Variants in SARDH observed in about 807,000 individuals in gnomAD.
SARDH encodes the protein sarcosine dehydrogenase, mitochondrial.
In SARDH, 95 loss-of-function variants were observed where a neutral mutation model predicts 109.1. The ratio of observed to expected loss-of-function variants is 0.87; its 90% CI spans 0.74 to 1.03. SARDH has a LOEUF of 1.03. Among genes scored for constraint, SARDH ranks in the 50% least tolerant of loss-of-function variants. The pLI is 0.00. For synonymous variants in SARDH, 572 were observed against 534.8 expected (o/e 1.07, Z -0.96); for missense variants, 1,267 against 1,287.8 (o/e 0.98, Z 0.25).
rs1224259714 is a variant in SARDH, at chr9:133,724,796, A to G, written c.915+4969T>C. Among the ~76,000 whole-genome samples, 4 of 152,182 alleles carry G rather than the reference A, an allele frequency of 2.6e-5. No homozygotes were observed. In the South Asian group the frequency reaches 6.2e-4, roughly 24 times the overall value. Reference sequence around the variant, plus strand: ...CCCAAACCAAAAATCAAAATCCAGAATACTCCAGTGAGCATTTCATTTGAG... The same window carrying G: ...CCCAAACCAAAAATCAAAATCCAGAGTACTCCAGTGAGCATTTCATTTGAG... On this transcript the variant is annotated intron_variant, in intron 6 of 20. Coordinates refer to ENST00000439388, the MANE Select transcript of SARDH (RefSeq NM_001134707.2).
upstream of SARDH, among the ~76,000 whole-genome samples, chr9:133,738,518 C>T (rs1832959733): frequency 6.6e-6 from 1 of 152,184 alleles, no homozygotes; most frequent in Non-Finnish European, 1.5e-5. Context: ...GTTGTGAACC[C>T]CATGCCCCAT....
chr9:133,702,301 C>T (rs1831517487), intron 13 of SARDH, among the ~76,000 whole-genome samples: 1 of 152,266 alleles, frequency 6.6e-6, no homozygotes, highest in Non-Finnish European at 1.5e-5. Flanking sequence ...GACTCCTCAC[C>T]TCCACCCCCT....
At chr9:133,685,147 C>T in intron 17 of SARDH, 46 bp downstream of exon 17, 1 of 1,566,708 alleles carries the variant, frequency 6.4e-7, no homozygotes, top group South Asian at 1.1e-5. Flanking sequence ...CCCCTCACAC[C>T]ATGCTGCCAC....
intron 16 of SARDH, among the ~76,000 whole-genome samples, chr9:133,687,470 A>G (rs1166711094): frequency 6.6e-6 from 1 of 152,090 alleles, no homozygotes; most frequent in Non-Finnish European, 1.5e-5. Context: ...TTTTAGAGAT[A>G]GGATCTCGCT....
At chr9:133,737,301 C>A (rs948602257) in intron 1 of SARDH, among the ~76,000 whole-genome samples, 3 of 152,218 alleles carry the variant, frequency 2.0e-5, no homozygotes, top group Non-Finnish European at 4.4e-5. Flanking sequence ...CTGATTGCAG[C>A]GGCGTAGGGG....
chr9:133,728,810 A>G lies in SARDH; in HGVS notation c.915+955T>C, dbSNP rs1273079896. On this transcript the variant is annotated intron_variant, in intron 6 of 20. Transcript: ENST00000439388. The surrounding 1 kb of genome is among the most constrained non-coding windows in gnomAD (Gnocchi z 5.0). ...AATGGTTGGATTAATATGTGGGTGG[A>G]TGCTGAAGGAAGGGCAGAGGGAGAG... Among the ~76,000 whole-genome samples the G allele has an allele frequency of 7.1e-6, 1 of 141,590 alleles. No homozygotes were observed. The highest frequency in any genetic ancestry group is 1.6e-5 in the Non-Finnish European group (1 of 64,324). 92.9% of individuals were successfully genotyped at this position (141,590 alleles called of 152,430 possible). A position where few individuals can be genotyped will look rare whatever the true frequency, so the allele number is the denominator to read the frequency against.
chr9:133,681,877 T>C (rs1259078118), intron 17 of SARDH, among the ~76,000 whole-genome samples: 1 of 152,118 alleles, frequency 6.6e-6, no homozygotes, highest in Non-Finnish European at 1.5e-5. Flanking sequence ...CGCACGCCAG[T>C]TGACGCTCAT....
At chr9:133,669,478 A>G (rs1239747823) in intron 19 of SARDH, among the ~76,000 whole-genome samples, 1 of 151,144 alleles carries the variant, frequency 6.6e-6, no homozygotes, top group Admixed American at 6.6e-5. Flanking sequence ...CCTGTGCTTC[A>G]GACCCCCGTG....
At chr9:133,726,359 C>G (rs928942983) in intron 6 of SARDH, among the ~76,000 whole-genome samples, 1 of 9,564 alleles carries the variant, frequency 1.0e-4, no homozygotes, top group Non-Finnish European at 3.3e-4. Context: ...CAGAGTGAGA[C>G]CCTGTCTCAA....
intron 8 of SARDH, among the ~76,000 whole-genome samples, chr9:133,713,821 T>TA (rs1250760330): frequency 2.6e-5 from 4 of 152,214 alleles, no homozygotes; most frequent in African/African-American, 9.6e-5. Flanking sequence ...CTTAGCGTCC[T>TA]AGTCTATAAA....
At chr9:133,708,577 C>T (rs868606184) in intron 10 of SARDH, 149 bp from the exon 11 acceptor site, 48 of 1,056,066 alleles carry the variant, frequency 4.5e-5, no homozygotes, top group Admixed American at 2.5e-4. Context: ...ACTCTCCATT[C>T]GCCCCACCCT....
rs1490801930 is a variant in SARDH, at chr9:133,692,280, GTCC to G, written c.1922-1756_1922-1754del. 6.6e-6 allele frequency among the ~76,000 whole-genome samples: 1 copy of G among 152,120 alleles called. No homozygotes were observed. The highest frequency in any genetic ancestry group is 2.4e-5 in the African/African-American group (1 of 41,416). ...CTGGCCAGGATTTTTGGTGACCTGTGTCCTCATTTTGGCCCCTCTACTGTCTCC... is the reference window on the plus strand; with the variant it reads ...CTGGCCAGGATTTTTGGTGACCTGTGTCATTTTGGCCCCTCTACTGTCTCC... On this transcript the variant is annotated intron_variant, in intron 15 of 20. Coordinates refer to ENST00000439388, the MANE Select transcript of SARDH (RefSeq NM_001134707.2). This position sits in a 1 kb window ranked among gnomAD's most constrained non-coding sequence, Gnocchi z 5.0.
chr9:133,722,707 C>T (rs1832369960), intron 6 of SARDH, among the ~76,000 whole-genome samples: 1 of 151,814 alleles, frequency 6.6e-6, no homozygotes, highest in African/African-American at 2.4e-5. Flanking sequence ...CAGAGTCCTG[C>T]TCTATCGCCC....
At chr9:133,706,520 G>T (rs1307954432) in intron 11 of SARDH, among the ~76,000 whole-genome samples, 1 of 152,206 alleles carries the variant, frequency 6.6e-6, no homozygotes, top group African/African-American at 2.4e-5. Context: ...TTCTGGAACT[G>T]GGTAATGGGA....
chr9:133,665,143 G>C (rs1176247667), intron 20 of SARDH, among the ~76,000 whole-genome samples: 1 of 152,186 alleles, frequency 6.6e-6, no homozygotes, highest in East Asian at 1.9e-4. Context: ...GGGGGCAGGA[G>C]ACGTGCACCG....
chr9:133,724,634 C>T (rs906789717), intron 6 of SARDH, among the ~76,000 whole-genome samples: 2 of 152,208 alleles, frequency 1.3e-5, no homozygotes, highest in Non-Finnish European at 2.9e-5. Flanking sequence ...AATAGAGTTA[C>T]CATATGACTC....
intron 16 of SARDH, among the ~76,000 whole-genome samples, chr9:133,687,815 T>G (rs1830938358): frequency 6.6e-6 from 1 of 152,218 alleles, no homozygotes; most frequent in African/African-American, 2.4e-5. Flanking sequence ...AAGTGCAGCC[T>G]TTATCAGCAG....
chr9:133,733,262 T>C (rs542544140), intron 2 of SARDH, among the ~76,000 whole-genome samples: 1 of 152,342 alleles, frequency 6.6e-6, no homozygotes, highest in African/African-American at 2.4e-5. Flanking sequence ...GCTTTTGCTA[T>C]TGGCCAGGGT....
chr9:133,669,564 T>G (rs1261622966), intron 19 of SARDH, among the ~76,000 whole-genome samples: 1 of 151,740 alleles, frequency 6.6e-6, no homozygotes, highest in African/African-American at 2.4e-5. Flanking sequence ...CTCGGGTTCC[T>G]GGAATCCAAA....
Sources: allele counts gnomAD v4.1 joint callset (sites outside exome capture counted in the v4.1 genomes callset), GRCh38; gene constraint gnomAD v4.1.1; non-coding constraint Gnocchi (gnomAD v3.1); transcripts MANE v1.5; gene names NCBI Gene and HGNC (gene_info 2026-07-23, HGNC 2026-07-21).